Variants in NDST3 observed in about 807,000 individuals in gnomAD.
The protein encoded by NDST3 is N-deacetylase and N-sulfotransferase 3.
A neutral mutation model predicts 96.1 loss-of-function variants in NDST3; 58 were observed. That is an observed-to-expected ratio of 0.60 (90% CI 0.49 to 0.75). The LOEUF (loss-of-function observed/expected upper bound fraction) is 0.75, where lower values mean the gene tolerates loss of function less well. NDST3 is among the 30% of genes least tolerant of loss of function. The pLI, the probability that NDST3 is intolerant of heterozygous loss-of-function variation, is 0.00. For missense variants in NDST3, 788 were observed against 1,034.2 expected (o/e 0.76, Z 3.27); for synonymous variants, 333 against 359.7 (o/e 0.93, Z 0.84).
chr4:118,153,478 T>C (rs1222444961), intron 6 of NDST3, among the ~76,000 whole-genome samples: 1 of 152,206 alleles, frequency 6.6e-6, no homozygotes, highest in African/African-American at 2.4e-5. Flanking sequence ...ATACATTATG[T>C]AATAAAATAC....
At chr4:118,198,036 G>A (rs999296487) in intron 6 of NDST3, among the ~76,000 whole-genome samples, 1 of 152,084 alleles carries the variant, frequency 6.6e-6, no homozygotes, top group Non-Finnish European at 1.5e-5. Flanking sequence ...TTGACCAAGT[G>A]ATATGCCCAC....
chr4:118,110,683 A>G (rs750882254), intron 3 of NDST3, among the ~76,000 whole-genome samples: 15 of 152,328 alleles, frequency 9.8e-5, no homozygotes, highest in Non-Finnish European at 1.9e-4. Flanking sequence ...CAATAACTTC[A>G]TAAGATTTCA....
At chr4:118,045,829 T>TA (rs1724731956) in intron 1 of NDST3, among the ~76,000 whole-genome samples, 2 of 152,152 alleles carry the variant, frequency 1.3e-5, no homozygotes, top group African/African-American at 4.8e-5. Flanking sequence ...ACCAGCTAGC[T>TA]TTTAGCCTGC....
At chr4:118,217,611 AG>A (rs1203376829) in intron 6 of NDST3, among the ~76,000 whole-genome samples, 1 of 152,174 alleles carries the variant, frequency 6.6e-6, no homozygotes, top group African/African-American at 2.4e-5. Flanking sequence ...TTTTCTGTAA[AG>A]AGTGTTTCTG....
At chr4:118,185,821 C>G (rs1736914951) in intron 6 of NDST3, among the ~76,000 whole-genome samples, 1 of 152,158 alleles carries the variant, frequency 6.6e-6, no homozygotes, top group South Asian at 2.1e-4. Context: ...ATTTACATCT[C>G]CATTTACATT....
chr4:118,237,768 T>C (rs1016357807), intron 10 of NDST3, among the ~76,000 whole-genome samples: 3 of 152,156 alleles, frequency 2.0e-5, no homozygotes, highest in Admixed American at 6.5e-5. Flanking sequence ...ACAGCTTAAA[T>C]AGCTACTTGT....
chr4:118,222,753 A>G (rs1471356787), intron 6 of NDST3, among the ~76,000 whole-genome samples: 1 of 151,994 alleles, frequency 6.6e-6, no homozygotes, highest in African/African-American at 2.4e-5. Context: ...CTCATAACTC[A>G]TTTTGGGTTC....
chr4:118,255,708 G>C lies in NDST3; in HGVS notation c.2618G>C (p.Arg873Thr). The change falls in exon 14 of 14, where the codon AGA becomes ACA. Residue 873 changes from arginine to threonine, a missense_variant. Arg to Thr is a moderately conservative substitution (Grantham distance 71). This residue lies in a region of NDST3 where 64 missense variants were observed against 68.5 expected (regional missense o/e 0.93). Transcript: ENST00000296499. Reference protein sequence around the residue: ...SWLRQELQKVR With the variant: ...SWLRQELQKVT The stretch of plus-strand genomic sequence containing the variant: ...CTGAGACAGGAGCTGCAGAAAGTAA[G>C]ATAGCACTGAGAGAAAACTTGAGAC... The C allele has an allele frequency of 6.2e-7, 1 of 1,609,866 alleles. No individual in the cohort carries two copies. The highest frequency in any genetic ancestry group is 8.5e-7 in the Non-Finnish European group (1 of 1,177,830).
intron 12 of NDST3, among the ~76,000 whole-genome samples, chr4:118,250,866 G>C (rs1225478679): frequency 6.6e-6 from 1 of 151,850 alleles, no homozygotes; most frequent in South Asian, 2.1e-4. Context: ...TTCTATATTA[G>C]ATATATTTTT....
At chr4:118,070,313 C>T (rs1029405965) in intron 2 of NDST3, among the ~76,000 whole-genome samples, 12 of 152,062 alleles carry the variant, frequency 7.9e-5, no homozygotes, top group Non-Finnish European at 8.8e-5. Flanking sequence ...CAGAACACTG[C>T]TTCTGAGAAT....
chr4:118,205,570 G>A (rs1291583576), intron 6 of NDST3, among the ~76,000 whole-genome samples: 2 of 144,268 alleles, frequency 1.4e-5, no homozygotes, highest in East Asian at 2.0e-4. Flanking sequence ...TTTCATAGGT[G>A]TTTATTTCTT....
intron 2 of NDST3, among the ~76,000 whole-genome samples, chr4:118,057,499 T>C (rs935561111): frequency 1.4e-4 from 21 of 151,954 alleles, no homozygotes. Flanking sequence ...AAATGTAGAA[T>C]ATTGAGGAAA....
At chr4:118,116,514 A>G (rs1731130201) in intron 4 of NDST3, among the ~76,000 whole-genome samples, 1 of 152,214 alleles carries the variant, frequency 6.6e-6, no homozygotes, top group Non-Finnish European at 1.5e-5. Flanking sequence ...GAATGCCAAT[A>G]TTATGTTTAT....
intron 6 of NDST3, among the ~76,000 whole-genome samples, chr4:118,160,569 C>G (rs2125924795): frequency 6.6e-6 from 1 of 152,196 alleles, no homozygotes; most frequent in South Asian, 2.1e-4. Flanking sequence ...ATTAAAAAAG[C>G]TCAGTATCAC....
chr4:118,239,484 A>AGCAAATT (rs1740880156), intron 10 of NDST3, among the ~76,000 whole-genome samples: 1 of 152,212 alleles, frequency 6.6e-6, no homozygotes, highest in Non-Finnish European at 1.5e-5. Context: ...CAAAACATAC[A>AGCAAATT]GCAAATTGCA....
At chr4:118,170,431 G>A (rs1038886306) in intron 6 of NDST3, among the ~76,000 whole-genome samples, 40 of 152,146 alleles carry the variant, frequency 2.6e-4, no homozygotes, top group African/African-American at 8.0e-4. Context: ...GAGAGAGACC[G>A]GGCACCATGG....
intron 4 of NDST3, among the ~76,000 whole-genome samples, chr4:118,120,651 A>C (rs1731491665): frequency 6.6e-6 from 1 of 152,166 alleles, no homozygotes; most frequent in Admixed American, 6.5e-5. Context: ...CAATCTCTCC[A>C]GAGTCAGCAA....
At chr4:118,039,800 T>C (rs1724345565) in intron 1 of NDST3, among the ~76,000 whole-genome samples, 1 of 152,134 alleles carries the variant, frequency 6.6e-6, no homozygotes, top group African/African-American at 2.4e-5. Flanking sequence ...ATTATCTCTT[T>C]TGGGAACTGA....
intron 3 of NDST3, among the ~76,000 whole-genome samples, chr4:118,111,389 A>G (rs1056703733): frequency 3.3e-5 from 5 of 152,080 alleles, no homozygotes; most frequent in African/African-American, 1.2e-4. Flanking sequence ...AAAATTGAGG[A>G]ATTTGACTTC....
Sources: allele counts gnomAD v4.1 joint callset (sites outside exome capture counted in the v4.1 genomes callset), GRCh38; gene constraint gnomAD v4.1.1; regional missense constraint gnomAD v4.1.1; transcripts MANE v1.5; gene names NCBI Gene and HGNC (gene_info 2026-07-23, HGNC 2026-07-21).